TJP3: variants seen among roughly 807,000 people sequenced by gnomAD.
The protein encoded by TJP3 is tight junction protein 3, also known as tight junction protein ZO-3.
Under a neutral mutation model 104.2 loss-of-function variants are expected in TJP3, and 85 were observed. That is an observed-to-expected ratio of 0.82 (90% CI 0.68 to 0.98). The LOEUF is 0.98. Ranked by LOEUF, TJP3 falls within the 50% of genes least tolerant of loss-of-function variation. TJP3 has a pLI of 0.00. For synonymous variants in TJP3, 550 were observed against 550.6 expected, an observed-to-expected ratio of 1.00 and a Z score of 0.02; for missense variants, 1,367 against 1,322.8, an observed-to-expected ratio of 1.03 and a Z score of -0.52.
rs2036662493 is a variant in TJP3, at chr19:3,730,807, G to GA, written c.613+101_613+102insA. On this transcript the variant is annotated intron_variant, in intron 5 of 20. Transcript: ENST00000541714. The surrounding 1 kb of genome is among the most constrained non-coding windows in gnomAD (Gnocchi z 7.3). ...GTGATTCTCCTGCCTCAGCCTCCCT[G>GA]GTGGCTGGGACTCCAGGCGCCCGCC... 2.2e-6 allele frequency: 3 copies of GA among 1,335,512 alleles called. No individual in the cohort carries two copies. The highest frequency in any genetic ancestry group is 3.0e-6 in the Non-Finnish European group (3 of 996,936). 82.7% of individuals were successfully genotyped at this position (1,335,512 alleles called of 1,614,324 possible).
rs554835600 is a variant in TJP3, at chr19:3,730,564, C to T, written c.471C>T (p.Ala157=). 1.9e-5 allele frequency: 30 copies of T among 1,606,388 alleles called. No individual in the cohort carries two copies. Among genetic ancestry groups the T allele is most frequent in the African/African-American group, 1.2e-4 (9 of 74,950 alleles). Residue 157 remains alanine, a synonymous_variant, in exon 5 of 21, where the codon GCC becomes GCT. Transcript: ENST00000541714. The surrounding 1 kb of genome is among the most constrained non-coding windows in gnomAD (Gnocchi z 7.3). ...RRPRPGRRGR[A]GSHGRRSPGG... ...CGAGGCCTGGTCGCCGGGGCCGGGC[C>T]GGCAGCCATGGGCGTAGGAGCCCAG...
chr19:3,732,167 T>G, intron 6 of TJP3, 129 bp downstream of exon 6: 1 of 696,958 alleles, frequency 1.4e-6, no homozygotes, highest in Non-Finnish European at 2.3e-6. Context: ...TTGTTGCTTG[T>G]ATCTCAAAGG....
chr19:3,725,982 C>T (rs1326546152), intron 1 of TJP3, among the ~76,000 whole-genome samples: 2 of 152,226 alleles, frequency 1.3e-5, no homozygotes, highest in East Asian at 3.9e-4. Context: ...GTTTCTCTCC[C>T]CTCCACCCGC....
Position 3,728,595 on chromosome 19 carries a change from C to G in TJP3, c.49-9C>G. 6.2e-7 allele frequency: 1 copy of G among 1,610,844 alleles called. No individual in the cohort carries two copies. Among genetic ancestry groups the G allele is most frequent in the Non-Finnish European group, 8.5e-7 (1 of 1,179,040 alleles). ...ACAGCAGCTCTTCCTTCCCCTCATC[C>G]TCTCTCAGGACCCCCGCCGGGGCTT... On this transcript the variant is annotated splice_polypyrimidine_tract_variant and intron_variant, in intron 2 of 20. Coordinates refer to ENST00000541714, the MANE Select transcript of TJP3 (RefSeq NM_001267560.2).
chr19:3,740,656 G>C lies in TJP3; in HGVS notation c.1736G>C (p.Gly579Ala). 6.2e-7 allele frequency: 1 copy of C among 1,607,050 alleles called. No homozygotes were observed. Among genetic ancestry groups the C allele is most frequent in the Non-Finnish European group, 8.5e-7 (1 of 1,177,342 alleles). ...CGGGCCGAGTTCTGGCGGCTGCGGG[G>C]TCTTCGTCGAGGAGCCAAGAAGACC... Reference protein sequence around the residue: ...NARAEFWRLRGLRRGAKKTTQ... With the variant: ...NARAEFWRLRALRRGAKKTTQ... Residue 579 changes from glycine to alanine, a missense_variant, in exon 14 of 21, where the codon GGT (glycine) becomes GCT (alanine). Physicochemically the swap from Gly to Ala is moderately conservative, Grantham distance 60 (BLOSUM62 0). Coordinates refer to ENST00000541714, the MANE Select transcript of TJP3 (RefSeq NM_001267560.2).
At chr19:3,739,786 C>T (rs964351270) in intron 13 of TJP3, among the ~76,000 whole-genome samples, 1 of 152,126 alleles carries the variant, frequency 6.6e-6, no homozygotes, top group Non-Finnish European at 1.5e-5. Flanking sequence ...TCCCTCAGCT[C>T]GGGGCCCCTT....
At position 3,750,569 on chromosome 19, in the gene TJP3, T is replaced by C; in HGVS notation, c.2658-13T>C. 1 of 1,587,504 alleles carries C rather than the reference T, an allele frequency of 6.3e-7. No homozygotes were observed. Among genetic ancestry groups the C allele is most frequent in the Non-Finnish European group, 8.6e-7 (1 of 1,164,172 alleles). On this transcript the variant is annotated splice_polypyrimidine_tract_variant and intron_variant, in intron 20 of 20. Transcript: ENST00000541714. ...TCCCACCCACAGCATCTATTCTATT[T>C]CCTGATCCCCAGAACCTATGAACGG...
At chr19:3,722,586 CG>C (rs2036552060) in intron 1 of TJP3, among the ~76,000 whole-genome samples, 1 of 31,004 alleles carries the variant, frequency 3.2e-5, no homozygotes, top group African/African-American at 1.2e-4. Flanking sequence ...GGGGGCGGGG[CG>C]GGGGGCGATC....
At position 3,735,490 on chromosome 19, in the gene TJP3, T is replaced by A. The variant is rs554837558; in HGVS notation, c.987-76T>A. The A allele has an allele frequency of 2.2e-5, 32 of 1,459,636 alleles. No individual in the cohort carries two copies. In the South Asian group the frequency reaches 2.6e-4, roughly 12 times the overall value. The allele number at this position is 1,459,636 out of a possible 1,614,324, so 90.4% of individuals were successfully genotyped here. Reference sequence around the variant, plus strand: ...CTAGGATTACAGGCATGAACCACCGTGCCCGGCCTAAAATTCTTTTTAAAA... The same window carrying A: ...CTAGGATTACAGGCATGAACCACCGAGCCCGGCCTAAAATTCTTTTTAAAA... On this transcript the variant is annotated intron_variant, in intron 8 of 20. Coordinates refer to ENST00000541714, the MANE Select transcript of TJP3 (RefSeq NM_001267560.2).
At chr19:3,721,861 G>A in intron 1 of TJP3, 1 of 1,214,288 alleles carries the variant, frequency 8.2e-7, no homozygotes, top group Non-Finnish European at 1.0e-6. Context: ...GACCCCCTCG[G>A]GTAGGGGGGC....
Position 3,738,563 on chromosome 19 carries a change from C to T in TJP3, c.1293C>T (p.Asp431=), listed in dbSNP as rs200835211. The T allele has an allele frequency of 8.6e-5, 139 of 1,612,896 alleles. No homozygotes were observed. Among genetic ancestry groups the T allele is most frequent in the Non-Finnish European group, 1.1e-4 (129 of 1,179,462 alleles). The change falls in exon 12 of 21, where the codon GAC becomes GAT. Residue 431 remains aspartate (D), a synonymous_variant. Coordinates refer to ENST00000541714, the MANE Select transcript of TJP3 (RefSeq NM_001267560.2). ...CACTTGCTTTCTGGCAGGTGAATGA[C>T]GTGCCATTCCAGAACCTGACACGGG... ...QEGDQILQVN[D]VPFQNLTREE... is the part of the protein sequence containing the mutation.
chr19:3,728,407 C>T lies in TJP3; in HGVS notation c.-9-17C>T, dbSNP rs781274210. On this transcript the variant is annotated splice_polypyrimidine_tract_variant and intron_variant, in intron 1 of 20. Transcript: ENST00000541714. ...CTGTGTGGCCTCATGCCCATCTTCC[C>T]CGCTCCCCTCGACCAGGTGGCTGAC... is the stretch of plus-strand genomic sequence containing the variant. 3 of 1,614,176 alleles carry T rather than the reference C, an allele frequency of 1.9e-6. No individual in the cohort carries two copies. The highest frequency in any genetic ancestry group is 2.5e-6 in the Non-Finnish European group (3 of 1,180,014).
rs766587362 is a variant in TJP3 at position 3,728,653 on chromosome 19, C to G, written c.98C>G (p.Pro33Arg). Residue 33 changes from proline (P) to arginine (R), a missense_variant, in exon 3 of 21, where the codon CCC (proline) becomes CGC (arginine). Pro to Arg is a moderately radical substitution (Grantham distance 103). Transcript: ENST00000541714. Reference protein sequence around the residue: ...GIAISGGRDRPGGSMVVSDVV... With the variant: ...GIAISGGRDRRGGSMVVSDVV... Reference sequence around the variant, plus strand: ...GCGATCTCTGGAGGCCGAGACCGGCCCGGTGGATCCATGGTTGTATCTGAC... The same window carrying G: ...GCGATCTCTGGAGGCCGAGACCGGCGCGGTGGATCCATGGTTGTATCTGAC... 2.9e-5 allele frequency: 46 copies of G among 1,613,616 alleles called. No homozygotes were observed. Among genetic ancestry groups the G allele is most frequent in the Admixed American group, 1.2e-4 (7 of 59,970 alleles).
At chr19:3,714,815 G>T (rs1232130639) in intron 1 of TJP3, among the ~76,000 whole-genome samples, 3 of 152,038 alleles carry the variant, frequency 2.0e-5, no homozygotes, top group Admixed American at 6.6e-5. Flanking sequence ...ATCCCAGGGA[G>T]GCCTCCAGAA....
chr19:3,723,805 AAAAAT>A (rs1163938338), intron 1 of TJP3, among the ~76,000 whole-genome samples: 38 of 91,084 alleles, frequency 4.2e-4, no homozygotes, highest in African/African-American at 1.1e-3. Context: ...AAGAAAAAAA[AAAAAT>A]ATATATATAT....
At chr19:3,721,973 C>T (rs2036546628) in intron 1 of TJP3, 3 of 1,001,416 alleles carry the variant, frequency 3.0e-6, no homozygotes, top group Non-Finnish European at 2.6e-6. Flanking sequence ...GGGGGGAAAG[C>T]AGGGTTTGGG....
intron 1 of TJP3, among the ~76,000 whole-genome samples, chr19:3,727,162 G>T (rs2036606422): frequency 6.6e-6 from 1 of 151,906 alleles, no homozygotes. Context: ...ATAATTGAAT[G>T]CACCTTTGAT....
At chr19:3,710,863 C>T (rs1308273932) in intron 1 of TJP3, among the ~76,000 whole-genome samples, 2 of 152,100 alleles carry the variant, frequency 1.3e-5, no homozygotes, top group Non-Finnish European at 2.9e-5. Context: ...AATGGCTGCA[C>T]AGAGGGTAAC....
rs143035515 is a variant in TJP3 at position 3,733,097 on chromosome 19, G to A, written c.718-656G>A. On this transcript the variant is annotated intron_variant, in intron 6 of 20. Transcript: ENST00000541714. Reference sequence around the variant, plus strand: ...GTCACCCAGGCTGGAGTGCAGTGGCGGGATCTTGGCTCACTGCAACCTCCA... The same window carrying A: ...GTCACCCAGGCTGGAGTGCAGTGGCAGGATCTTGGCTCACTGCAACCTCCA... 3.6e-3 allele frequency among the ~76,000 whole-genome samples: 543 copies of A among 151,444 alleles called. 3 individuals carry two copies. Among genetic ancestry groups the A allele is most frequent in the African/African-American group, 0.012 (492 of 41,248 alleles).
Sources: allele counts gnomAD v4.1 joint callset (sites outside exome capture counted in the v4.1 genomes callset), GRCh38; gene constraint gnomAD v4.1.1; non-coding constraint Gnocchi (gnomAD v3.1); transcripts MANE v1.5; gene names NCBI Gene and HGNC (gene_info 2026-07-23, HGNC 2026-07-21).